The following DIS3L2 variants were observed in gnomAD, a reference collection of about 807,000 sequenced individuals.
DIS3L2 encodes the protein DIS3-like exonuclease 2.
DIS3L2 carries 34 observed loss-of-function variants against 97.5 expected under a neutral mutation model. The observed-to-expected ratio is 0.35, with a 90% CI of 0.27 to 0.46. The LOEUF is 0.46. Among genes scored for constraint, DIS3L2 ranks in the 20% least tolerant of loss-of-function variants. DIS3L2 has a pLI of 1.00. For missense variants in DIS3L2, 1,038 were observed against 1,146.0 expected (o/e 0.91, Z 1.36); for synonymous variants, 435 against 445.2 (o/e 0.98, Z 0.29).
chr2:232,095,083 T>C (rs1696967152), intron 6 of DIS3L2, among the ~76,000 whole-genome samples: 1 of 152,188 alleles, frequency 6.6e-6, no homozygotes, highest in African/African-American at 2.4e-5. Flanking sequence ...AGCAGATCAT[T>C]GCATCTTGTT....
chr2:232,061,893 G>C (rs1695719006), intron 5 of DIS3L2, among the ~76,000 whole-genome samples: 2 of 152,196 alleles, frequency 1.3e-5, no homozygotes, highest in African/African-American at 4.8e-5. Context: ...TATTCTTCAA[G>C]GTGCTGATGC....
At chr2:232,329,120 CT>C (rs1695658804) in intron 14 of DIS3L2, 1 of 152,394 alleles carries the variant, frequency 6.6e-6, no homozygotes, top group African/African-American at 2.4e-5. Flanking sequence ...GCAGCAGCCC[CT>C]GAAAGGGTGA....
chr2:232,118,989 C>T (rs961645641), intron 6 of DIS3L2, among the ~76,000 whole-genome samples: 5 of 152,102 alleles, frequency 3.3e-5, no homozygotes, highest in Non-Finnish European at 7.3e-5. Flanking sequence ...CTTGGTAGTC[C>T]TCCTGTTTTC....
chr2:232,128,246 A>G (rs1398505334), intron 6 of DIS3L2, among the ~76,000 whole-genome samples: 1 of 151,968 alleles, frequency 6.6e-6, no homozygotes, highest in Non-Finnish European at 1.5e-5. Context: ...GTGAGCCAAC[A>G]TGCCCACCCT....
intron 6 of DIS3L2, among the ~76,000 whole-genome samples, chr2:232,094,368 C>T (rs1696935862): frequency 6.6e-6 from 1 of 152,066 alleles, no homozygotes; most frequent in South Asian, 2.1e-4. Flanking sequence ...CCAGCTCTTT[C>T]TTTGTTGATT....
intron 14 of DIS3L2, among the ~76,000 whole-genome samples, chr2:232,306,642 G>A (rs530780734): frequency 4.3e-4 from 66 of 152,252 alleles, no homozygotes; most frequent in African/African-American, 1.3e-3. Flanking sequence ...ACTTAAATAT[G>A]GTCACTCATT....
At chr2:232,185,313 C>T (rs1056670961) in intron 9 of DIS3L2, among the ~76,000 whole-genome samples, 1 of 152,050 alleles carries the variant, frequency 6.6e-6, no homozygotes, top group African/African-American at 2.4e-5. Flanking sequence ...TATCTAGACA[C>T]TTGGAAATTA....
chr2:232,032,503 T>C (rs1694830177), intron 5 of DIS3L2, among the ~76,000 whole-genome samples: 1 of 152,236 alleles, frequency 6.6e-6, no homozygotes, highest in Non-Finnish European at 1.5e-5. Context: ...CTCTTTAGTT[T>C]AATTAGATCC....
At chr2:232,220,277 C>A (rs1692459077) in intron 10 of DIS3L2, among the ~76,000 whole-genome samples, 1 of 151,974 alleles carries the variant, frequency 6.6e-6, no homozygotes, top group African/African-American at 2.4e-5. Context: ...CCACTGCACT[C>A]CAGGCTGGGC....
chr2:232,172,306 C>T (rs909687919), intron 9 of DIS3L2, among the ~76,000 whole-genome samples: 2 of 152,060 alleles, frequency 1.3e-5, no homozygotes, highest in African/African-American at 4.8e-5. Flanking sequence ...CATTCCCTCT[C>T]CCCCCAGCTT....
intron 14 of DIS3L2, among the ~76,000 whole-genome samples, chr2:232,307,980 G>A (rs758424164): frequency 3.1e-4 from 47 of 152,204 alleles, no homozygotes; most frequent in Non-Finnish European, 6.0e-4. Flanking sequence ...GAAGCTGCAG[G>A]GAGTGCTGAT....
intron 5 of DIS3L2, among the ~76,000 whole-genome samples, chr2:232,083,779 G>T (rs1374125265): frequency 1.3e-5 from 2 of 152,172 alleles, no homozygotes; most frequent in Admixed American, 6.5e-5. Flanking sequence ...ACAGGTGTGA[G>T]CCACCACGCC....
At chr2:232,155,728 C>T (rs775481058) in intron 8 of DIS3L2, among the ~76,000 whole-genome samples, 1 of 152,264 alleles carries the variant, frequency 6.6e-6, no homozygotes, top group South Asian at 2.1e-4. Context: ...TGGTGGCTCA[C>T]GCCTGTAATC....
At chr2:232,142,286 G>A (rs1304849909) in intron 8 of DIS3L2, among the ~76,000 whole-genome samples, 1 of 152,134 alleles carries the variant, frequency 6.6e-6, no homozygotes, top group African/African-American at 2.4e-5. Context: ...GGAAAAAGCT[G>A]TGTCTTCAAC....
chr2:232,249,010 T>G (rs914879929), intron 11 of DIS3L2, among the ~76,000 whole-genome samples: 3 of 152,248 alleles, frequency 2.0e-5, no homozygotes, highest in Non-Finnish European at 2.9e-5. Context: ...TACTTTTGTC[T>G]TCCCTTACCA....
At chr2:232,086,628 TACAC>T (rs1293123995) in intron 5 of DIS3L2, among the ~76,000 whole-genome samples, 17 of 97,670 alleles carry the variant, frequency 1.7e-4, no homozygotes, top group African/African-American at 2.9e-4. Flanking sequence ...TATATATATA[TACAC>T]ATATATATAT....
At position 232,336,745 on chromosome 2, in the gene DIS3L2, G is replaced by A; in HGVS notation, c.*115G>A. The A allele has an allele frequency of 1.3e-6, 2 of 1,487,414 alleles. No homozygotes were observed. Among genetic ancestry groups the A allele is most frequent in the African/African-American group, 1.4e-5 (1 of 70,188 alleles). 92.1% of individuals were successfully genotyped at this position (1,487,414 alleles called of 1,614,324 possible). On this transcript the variant is annotated 3_prime_UTR_variant, in exon 21 of 21. Transcript: ENST00000325385. The stretch of plus-strand genomic sequence containing the variant: ...TTGGTTTTTAACAACTCAGGGGTTT[G>A]TTTTTATTTTTATTTAATTTTTGCA...
intron 10 of DIS3L2, among the ~76,000 whole-genome samples, chr2:232,213,244 T>A (rs774326961): frequency 6.6e-6 from 1 of 152,140 alleles, no homozygotes; most frequent in African/African-American, 2.4e-5. Flanking sequence ...AATTTTGTAA[T>A]ACAAAAATAT....
intron 7 of DIS3L2, among the ~76,000 whole-genome samples, chr2:232,132,452 A>G (rs1698248517): frequency 6.6e-6 from 1 of 152,192 alleles, no homozygotes; most frequent in South Asian, 2.1e-4. Context: ...GGAAAAAACA[A>G]GAGGCAACCA....
Sources: gnomAD v4.1 joint callset for allele counts (sites outside exome capture counted in the v4.1 genomes callset) on GRCh38, gnomAD v4.1.1 for gene constraint, MANE v1.5 for transcripts, NCBI Gene and HGNC (gene_info 2026-07-23, HGNC 2026-07-21) for gene names.